Variants in UEVLD observed in about 807,000 individuals in gnomAD.
The protein encoded by UEVLD is ubiquitin-conjugating enzyme E2 variant 3.
In UEVLD, 47 loss-of-function variants were observed where a neutral mutation model predicts 58.6. That is an observed-to-expected ratio of 0.80 (90% CI 0.63 to 1.02). The LOEUF is 1.02. UEVLD is among the 50% of genes least tolerant of loss of function. The pLI is 0.00. For synonymous variants in UEVLD, 197 were observed against 195.3 expected (o/e 1.01, Z -0.07); for missense variants, 510 against 550.6 (o/e 0.93, Z 0.74).
intron 11 of UEVLD, among the ~76,000 whole-genome samples, chr11:18,532,753 GC>G (rs896770208): frequency 2.6e-5 from 4 of 152,026 alleles, no homozygotes; most frequent in Non-Finnish European, 5.9e-5. Flanking sequence ...AAGCAAGCTA[GC>G]CCCCCCTGCA....
intron 3 of UEVLD, among the ~76,000 whole-genome samples, chr11:18,572,804 CAAA>C (rs11394988): frequency 9.7e-6 from 1 of 103,110 alleles, no homozygotes. Flanking sequence ...AACTCCATCT[CAAA>C]AAAAAAAAAA....
At chr11:18,569,137 A>AC (rs1852459094) in intron 4 of UEVLD, among the ~76,000 whole-genome samples, 1 of 151,950 alleles carries the variant, frequency 6.6e-6, no homozygotes, top group Non-Finnish European at 1.5e-5. Flanking sequence ...CTCGTGATCC[A>AC]CCCGCCTCGG....
chr11:18,578,745 T>C lies in UEVLD; in HGVS notation c.106A>G (p.Lys36Glu). 1 of 1,607,360 alleles carries C rather than the reference T, an allele frequency of 6.2e-7. No individual in the cohort carries two copies. The highest frequency in any genetic ancestry group is 8.5e-7 in the Non-Finnish European group (1 of 1,176,362). Residue 36 changes from lysine to glutamate, a missense_variant, in exon 2 of 12, where the codon AAA becomes GAA. By Grantham distance (56) the Lys-to-Glu change is moderately conservative (BLOSUM62 1). Coordinates refer to ENST00000396197, the MANE Select transcript of UEVLD (RefSeq NM_001040697.4). The part of the protein sequence containing the change: ...RNVNVFFPHF[K>E]YSMDTYVFKD... ...TTACCATAGGTGTCCATGGAATATT[T>C]GAAATGTGGGAAAAATACATTTACA...
At chr11:18,533,177 G>A (rs1267547287) in intron 11 of UEVLD, among the ~76,000 whole-genome samples, 1 of 151,604 alleles carries the variant, frequency 6.6e-6, no homozygotes, top group African/African-American at 2.4e-5. Flanking sequence ...ACAGGCATGG[G>A]CCACCACACC....
intron 3 of UEVLD, among the ~76,000 whole-genome samples, chr11:18,574,206 A>G (rs936531835): frequency 1.2e-4 from 18 of 152,214 alleles, no homozygotes; most frequent in African/African-American, 4.3e-4. Context: ...CAGTGGCACA[A>G]TCTCGGCTCA....
At chr11:18,533,479 AGTC>A in intron 11 of UEVLD, among the ~76,000 whole-genome samples, 1 of 96,484 alleles carries the variant, frequency 1.0e-5, no homozygotes, top group Non-Finnish European at 2.2e-5. Context: ...GATAAATGAC[AGTC>A]AGAAGAAATT....
chr11:18,546,969 A>T lies in UEVLD; in HGVS notation c.797T>A (p.Val266Glu), dbSNP rs774105512. ...LGSSQSYLDV[V>E]QSNVDMFRAL... Reference sequence around the variant, plus strand: ...TCTGAACATATCCACATTGCTCTGTACCACATCAAGGTACGACTGAGAACT... The same window carrying T: ...TCTGAACATATCCACATTGCTCTGTTCCACATCAAGGTACGACTGAGAACT... Residue 266 changes from valine to glutamate, a missense_variant, in exon 8 of 12, where the codon GTA becomes GAA. Coordinates refer to ENST00000396197, the MANE Select transcript of UEVLD (RefSeq NM_001040697.4). 1.9e-6 allele frequency: 3 copies of T among 1,614,186 alleles called. No homozygotes were observed. In the Admixed American group the frequency reaches 5.0e-5, roughly 27 times the overall value.
At chr11:18,583,963 T>C (rs1853405218) in intron 1 of UEVLD, among the ~76,000 whole-genome samples, 1 of 152,162 alleles carries the variant, frequency 6.6e-6, no homozygotes, top group African/African-American at 2.4e-5. Flanking sequence ...AGTATTACCA[T>C]TTTATGAGTG....
chr11:18,575,174 A>C (rs1431318450), intron 3 of UEVLD, among the ~76,000 whole-genome samples, 173 bp downstream of exon 3: 1 of 151,996 alleles, frequency 6.6e-6, no homozygotes, highest in Non-Finnish European at 1.5e-5. Flanking sequence ...AATTGAACTG[A>C]ACTTGTTGAC....
intron 3 of UEVLD, 117 bp downstream of exon 3, chr11:18,575,228 CTG>C: frequency 9.3e-7 from 1 of 1,072,274 alleles, no homozygotes; most frequent in Non-Finnish European, 1.4e-6. Context: ...CAGTAAGGTT[CTG>C]TATAGGTCAT....
intron 5 of UEVLD, among the ~76,000 whole-genome samples, chr11:18,565,968 A>G (rs1443403556): frequency 1.4e-5 from 2 of 138,018 alleles, no homozygotes; most frequent in Admixed American, 8.2e-5. Flanking sequence ...GTTCAATCTC[A>G]GCTCACTGCA....
chr11:18,565,135 C>CA, intron 5 of UEVLD, 125 bp from the exon 6 acceptor site: 1 of 603,470 alleles, frequency 1.7e-6, no homozygotes, highest in Non-Finnish European at 2.8e-6. Context: ...CCATAATGGG[C>CA]AAAAAATACT....
chr11:18,536,281 T>G (rs1001593570), intron 10 of UEVLD, 125 bp downstream of exon 10: 10 of 831,412 alleles, frequency 1.2e-5, no homozygotes, highest in Admixed American at 2.1e-5. Context: ...TCCTTTATAC[T>G]TTTGGGTTTG....
chr11:18,579,013 G>A (rs1472264593), intron 1 of UEVLD, among the ~76,000 whole-genome samples: 2 of 152,006 alleles, frequency 1.3e-5, no homozygotes, highest in East Asian at 1.9e-4. Flanking sequence ...GATTACAGGC[G>A]CACGCCACCA....
chr11:18,581,087 A>G (rs907426013), intron 1 of UEVLD, among the ~76,000 whole-genome samples: 1 of 150,770 alleles, frequency 6.6e-6, no homozygotes, highest in African/African-American at 2.4e-5. Context: ...GCTTAAACCC[A>G]GGAGGCGGAG....
chr11:18,534,474 A>G (rs767535603), intron 10 of UEVLD, 21 bp from the exon 11 acceptor site: 37 of 1,553,008 alleles, frequency 2.4e-5, no homozygotes, highest in Admixed American at 4.6e-5. Flanking sequence ...AAAATACGTG[A>G]TCTCAGAAAA....
At chr11:18,533,808 C>G (rs1289925088) in intron 11 of UEVLD, among the ~76,000 whole-genome samples, 1 of 152,164 alleles carries the variant, frequency 6.6e-6, no homozygotes, top group Admixed American at 6.5e-5. Flanking sequence ...ACATACGCCA[C>G]TATGTCTGGC....
Position 18,536,626 on chromosome 11 carries a change from T to C in UEVLD, c.1061-157A>G, listed in dbSNP as rs534856032. ...GATTTTTCCACTGGATAACAATGAA[T>C]GTGCTGTACCACTAGCCCGAGGTGA... is the stretch of plus-strand genomic sequence containing the variant. On this transcript the variant is annotated intron_variant, in intron 9 of 11. Transcript: ENST00000396197. 28 of 603,778 alleles carry C rather than the reference T, an allele frequency of 4.6e-5. No individual in the cohort carries two copies. In the South Asian group the frequency reaches 5.4e-4, roughly 12 times the overall value. The allele number at this position is 603,778 out of a possible 1,614,324, so 37.4% of individuals were successfully genotyped here. A position where few individuals can be genotyped will look rare whatever the true frequency, so the allele number is the denominator to read the frequency against.
At chr11:18,532,944 C>A (rs977232719) in intron 11 of UEVLD, among the ~76,000 whole-genome samples, 1 of 152,110 alleles carries the variant, frequency 6.6e-6, no homozygotes, top group African/African-American at 2.4e-5. Context: ...ATGCATATAA[C>A]ATGTAATGAT....
Sources: gnomAD v4.1 joint callset for allele counts (sites outside exome capture counted in the v4.1 genomes callset) on GRCh38, gnomAD v4.1.1 for gene constraint, MANE v1.5 for transcripts, NCBI Gene and HGNC (gene_info 2026-07-23, HGNC 2026-07-21) for gene names.